PCDHGB3: variants seen among roughly 807,000 people sequenced by gnomAD.
PCDHGB3 encodes protocadherin gamma subfamily B, 3, also known as protocadherin gamma-B3.
A neutral mutation model predicts 59.2 loss-of-function variants in PCDHGB3; 40 were observed. That is an observed-to-expected ratio of 0.68 (90% CI 0.52 to 0.88). The LOEUF is 0.88. Among genes scored for constraint, PCDHGB3 ranks in the 40% least tolerant of loss-of-function variants. PCDHGB3 has a pLI of 0.00. For synonymous variants in PCDHGB3, 581 were observed against 503.6 expected (o/e 1.15, Z -2.06); for missense variants, 1,309 against 1,187.9 (o/e 1.10, Z -1.50).
intron 1 of PCDHGB3, among the ~76,000 whole-genome samples, chr5:141,450,233 G>A (rs2098674391): frequency 6.6e-6 from 1 of 152,026 alleles, no homozygotes; most frequent in Non-Finnish European, 1.5e-5. Flanking sequence ...GGCCAGGCTA[G>A]TCTTGAACTC....
chr5:141,444,325 C>G (rs2098432231), intron 1 of PCDHGB3, among the ~76,000 whole-genome samples: 1 of 151,840 alleles, frequency 6.6e-6, no homozygotes, highest in Non-Finnish European at 1.5e-5. Flanking sequence ...GCATGTGCCA[C>G]CACGCCCAGC....
At chr5:141,464,008 G>A (rs1484928987) in intron 1 of PCDHGB3, among the ~76,000 whole-genome samples, 6 of 151,674 alleles carry the variant, frequency 4.0e-5, no homozygotes, top group Non-Finnish European at 7.4e-5. Flanking sequence ...GCTCATGCTT[G>A]TAATCCCACA....
chr5:141,421,838 A>G (rs2096604619), intron 1 of PCDHGB3: 1 of 1,613,764 alleles, frequency 6.2e-7, no homozygotes, highest in East Asian at 2.2e-5. Flanking sequence ...CTGGACCGAG[A>G]GAAAGAGGCT....
rs759226115 is a variant in PCDHGB3 at position 141,405,385 on chromosome 5, AT to A, written c.2415+32584del. On this transcript the variant is annotated intron_variant, in intron 1 of 3. Transcript: ENST00000576222. ...ACACCCCTTTGGTTCCGGTGAGTTC[AT>A]TTTTTTTCTTTCTTTCTTTTCTTTT... 1.8e-5 allele frequency: 29 copies of A among 1,599,886 alleles called. No homozygotes were observed. In the East Asian group the frequency reaches 2.2e-4, roughly 12 times the overall value.
Position 141,384,136 on chromosome 5 carries a change from G to A in PCDHGB3, c.2415+11327G>A. ...GGTCACAACCAAAAACTTGGACCGG[G>A]AAACACTCTCTTTGTATAACATCAC... is the stretch of plus-strand genomic sequence containing the variant. On this transcript the variant is annotated intron_variant, in intron 1 of 3. Coordinates refer to ENST00000576222, the MANE Select transcript of PCDHGB3 (RefSeq NM_018924.5). The A allele has an allele frequency of 1.9e-6, 3 of 1,612,410 alleles. No individual in the cohort carries two copies. In the South Asian group the frequency reaches 3.3e-5, roughly 18 times the overall value.
At position 141,477,019 on chromosome 5, in the gene PCDHGB3, C is replaced by T. The variant is rs148675327; in HGVS notation, c.2416-17788C>T. 1.9e-5 allele frequency: 30 copies of T among 1,614,242 alleles called. No individual in the cohort carries two copies. Among genetic ancestry groups the T allele is most frequent in the Non-Finnish European group, 2.5e-5 (30 of 1,180,048 alleles). On this transcript the variant is annotated intron_variant, in intron 1 of 3. Transcript: ENST00000576222. This position sits in a 1 kb window ranked among gnomAD's most constrained non-coding sequence, Gnocchi z 4.9. ...AACTATTCGCCTTAGACCTTGTAAC[C>T]GGGATGCTGACAATCAAGGGTCGGC...
At chr5:141,375,364 A>T (rs771379372) in intron 1 of PCDHGB3, 1 of 1,613,786 alleles carries the variant, frequency 6.2e-7, no homozygotes, top group African/African-American at 1.3e-5. Context: ...CCACGGACAA[A>T]GGAACACCAC....
chr5:141,393,013 T>A (rs754075095), intron 1 of PCDHGB3: 1 of 1,613,694 alleles, frequency 6.2e-7, no homozygotes, highest in African/African-American at 1.3e-5. Context: ...GTCCGTATCG[T>A]CTCCAGAGGT....
intron 2 of PCDHGB3, 37 bp downstream of exon 2, chr5:141,494,902 C>T (rs2099757367): frequency 1.9e-6 from 3 of 1,614,024 alleles, no homozygotes; most frequent in Non-Finnish European, 2.5e-6. Flanking sequence ...CTCTTCTCTG[C>T]GGCATTTTCT....
At chr5:141,407,497 G>GTTTTTTTTTTTTTTTTTTTTTTT (rs1554102286) in intron 1 of PCDHGB3, among the ~76,000 whole-genome samples, 2 of 152,088 alleles carry the variant, frequency 1.3e-5, no homozygotes, top group African/African-American at 4.8e-5. Context: ...CTTTATTTCT[G>GTTTTTTTTTTTTTTTTTTTTTTT]TTTTTCTTAG....
In PCDHGB3 at chr5:141,489,362, C is replaced by T. The variant is rs1562129544; in HGVS notation, c.2416-5445C>T. 8 of 1,613,052 alleles carry T rather than the reference C, an allele frequency of 5.0e-6. No individual in the cohort carries two copies. Among genetic ancestry groups the T allele is most frequent in the South Asian group, 2.2e-5 (2 of 90,970 alleles). On this transcript the variant is annotated intron_variant, in intron 1 of 3. Coordinates refer to ENST00000576222, the MANE Select transcript of PCDHGB3 (RefSeq NM_018924.5). The surrounding 1 kb of genome is among the most constrained non-coding windows in gnomAD (Gnocchi z 4.5). ...TACTCAGTGGTGGAGGAGTCTGAGC[C>T]GGGGACGCTGGTGGGGAATGTTGCT...
intron 1 of PCDHGB3, chr5:141,393,065 G>C (rs980151183): frequency 6.2e-7 from 1 of 1,613,646 alleles, no homozygotes; most frequent in African/African-American, 1.3e-5. Context: ...GCGGCAGCTT[G>C]ATCACCGCGG....
intron 2 of PCDHGB3, 88 bp from the exon 3 acceptor site, chr5:141,505,305 C>G (rs1363643214): frequency 1.0e-5 from 16 of 1,595,104 alleles, no homozygotes; most frequent in African/African-American, 2.7e-5. Flanking sequence ...GGTTAGGGTA[C>G]TAGGTTTGGG....
At chr5:141,468,063 A>G (rs2099157033) in intron 1 of PCDHGB3, among the ~76,000 whole-genome samples, 1 of 152,064 alleles carries the variant, frequency 6.6e-6, no homozygotes, top group South Asian at 2.1e-4. Flanking sequence ...AGTGGCTCAC[A>G]CCTGTAATCC....
chr5:141,423,238 G>C (rs765040062), intron 1 of PCDHGB3: 4 of 1,613,778 alleles, frequency 2.5e-6, no homozygotes, highest in South Asian at 2.2e-5. Context: ...CAGCATCCCC[G>C]AAGTCCTGGC....
At chr5:141,508,739 C>A (rs1344024245) in intron 3 of PCDHGB3, among the ~76,000 whole-genome samples, 1 of 152,156 alleles carries the variant, frequency 6.6e-6, no homozygotes, top group African/African-American at 2.4e-5. Context: ...ACACCCCCCA[C>A]CCCGCTCTTT....
intron 1 of PCDHGB3, among the ~76,000 whole-genome samples, chr5:141,472,119 A>C (rs1015212535): frequency 6.6e-6 from 1 of 152,240 alleles, no homozygotes; most frequent in African/African-American, 2.4e-5. Context: ...AAAGAAAATA[A>C]AAGAGAAGTT....
chr5:141,433,365 A>G (rs1347170890), intron 1 of PCDHGB3: 7 of 523,718 alleles, frequency 1.3e-5, no homozygotes, highest in Non-Finnish European at 2.4e-5. Context: ...CTGCCTATCT[A>G]TCTATCTATC....
At chr5:141,450,810 AT>A (rs755484062) in intron 1 of PCDHGB3, among the ~76,000 whole-genome samples, 1 of 136,728 alleles carries the variant, frequency 7.3e-6, no homozygotes, top group Admixed American at 7.3e-5. Context: ...TTATTTATTT[AT>A]TTAATATTAT....
Sources: gnomAD v4.1 joint callset for allele counts (sites outside exome capture counted in the v4.1 genomes callset) on GRCh38, gnomAD v4.1.1 for gene constraint, Gnocchi (gnomAD v3.1) non-coding constraint, MANE v1.5 for transcripts, NCBI Gene and HGNC (gene_info 2026-07-23, HGNC 2026-07-21) for gene names.